The following POLN variants were observed in gnomAD, a reference collection of about 807,000 sequenced individuals.
POLN encodes the protein DNA polymerase N.
Under a neutral mutation model 113.5 loss-of-function variants are expected in POLN, and 108 were observed. The ratio of observed to expected loss-of-function variants is 0.95; its 90% CI spans 0.81 to 1.12. The LOEUF is 1.12. Among genes scored for constraint, POLN ranks in the 50% most tolerant of loss-of-function variants. The probability of loss-of-function intolerance (pLI) is 0.00; values close to 1 mark genes in which losing one functional copy is unlikely to be tolerated. For synonymous variants in POLN, 386 were observed against 391.5 expected (o/e 0.99, Z 0.17); for missense variants, 1,097 against 1,077.1 (o/e 1.02, Z -0.26).
At chr4:2,189,638 C>CAAAAAAAAAAAAAAAA (rs776990379) in intron 7 of POLN, among the ~76,000 whole-genome samples, 1 of 140,498 alleles carries the variant, frequency 7.1e-6, no homozygotes, top group African/African-American at 2.9e-5. Flanking sequence ...GACTCCATCT[C>CAAAAAAAAAAAAAAAA]AAACAAAAAA....
At chr4:2,186,779 A>C (rs1450635055) in intron 7 of POLN, among the ~76,000 whole-genome samples, 1 of 152,232 alleles carries the variant, frequency 6.6e-6, no homozygotes, top group African/African-American at 2.4e-5. Context: ...GCAAGGAGCC[A>C]GTGACTGACC....
Position 2,137,145 on chromosome 4 carries a change from C to T in POLN, c.1732-5855G>A, listed in dbSNP as rs530570455. Reference sequence around the variant, plus strand: ...ACAAATAGTGGCTGAATGAGTAAGACGAAAAATAAATAATTTTCACAATAA... The same window carrying T: ...ACAAATAGTGGCTGAATGAGTAAGATGAAAAATAAATAATTTTCACAATAA... On this transcript the variant is annotated intron_variant, in intron 16 of 25. Coordinates refer to ENST00000511885, the MANE Select transcript of POLN (RefSeq NM_181808.4). Among the ~76,000 whole-genome samples the T allele has an allele frequency of 2.1e-4, 32 of 152,274 alleles. No homozygotes were observed. The South Asian group carries it at 4.1e-3, about 20-fold the overall frequency.
chr4:2,135,760 G>A (rs188190691), intron 16 of POLN, among the ~76,000 whole-genome samples: 8 of 152,340 alleles, frequency 5.3e-5, no homozygotes, highest in Non-Finnish European at 7.3e-5. Flanking sequence ...GGATGAAAGC[G>A]TGGCTATCAC....
At chr4:2,170,608 G>C in intron 13 of POLN, 71 bp downstream of exon 13, 1 of 1,364,632 alleles carries the variant, frequency 7.3e-7, no homozygotes, top group South Asian at 1.3e-5. Flanking sequence ...GGGTGGGTCT[G>C]AAGGTCAGCA....
chr4:2,128,316 G>A, intron 18 of POLN, 89 bp from the exon 19 acceptor site: 2 of 753,296 alleles, frequency 2.7e-6, no homozygotes, highest in Non-Finnish European at 4.5e-6. Context: ...AGACTCTCCT[G>A]ACTCTGTAGC....
At chr4:2,222,416 CA>C in intron 3 of POLN, among the ~76,000 whole-genome samples, 1 of 152,082 alleles carries the variant, frequency 6.6e-6, no homozygotes. Context: ...ACTAGCCGGG[CA>C]TGCACACCTG....
At position 2,118,475 on chromosome 4, in the gene POLN, T is replaced by C. The variant is rs184295732; in HGVS notation, c.1982+9638A>G. ...CTCTTACTTATAATACCTTGTCACA[T>C]GTAGACATAGCTCAAAGCACGTTCT... On this transcript the variant is annotated intron_variant, in intron 19 of 25. Transcript: ENST00000511885. 4.6e-4 allele frequency among the ~76,000 whole-genome samples: 70 copies of C among 152,346 alleles called. 2 individuals carry two copies. In the South Asian group the frequency reaches 0.011, roughly 25 times the overall value.
intron 2 of POLN, among the ~76,000 whole-genome samples, chr4:2,232,760 A>C (rs1242470638): frequency 2.0e-5 from 3 of 152,176 alleles, no homozygotes; most frequent in Non-Finnish European, 2.9e-5. Context: ...TATTACAGTA[A>C]ATTCAAATTC....
At chr4:2,089,541 C>A (rs1298762752) in intron 20 of POLN, 4 of 1,224,642 alleles carry the variant, frequency 3.3e-6, no homozygotes, top group African/African-American at 3.0e-5. Context: ...AAATGTAATT[C>A]TTGGCACTTT....
At chr4:2,094,311 C>T (rs1730731860) in intron 20 of POLN, among the ~76,000 whole-genome samples, 1 of 132,532 alleles carries the variant, frequency 7.5e-6, no homozygotes, top group Non-Finnish European at 1.5e-5. Flanking sequence ...TGCAGTGAGC[C>T]GAGATTGTGC....
chr4:2,082,133 T>A (rs1304148750), intron 21 of POLN, among the ~76,000 whole-genome samples: 1 of 151,878 alleles, frequency 6.6e-6, no homozygotes, highest in Non-Finnish European at 1.5e-5. Flanking sequence ...TTTTTGTATT[T>A]GTAGTAGAGA....
intron 19 of POLN, among the ~76,000 whole-genome samples, chr4:2,125,674 G>C (rs747973935): frequency 3.9e-5 from 6 of 152,164 alleles, no homozygotes; most frequent in Non-Finnish European, 7.3e-5. Flanking sequence ...CTTCCTAAGG[G>C]GGCAGCTGAT....
intron 13 of POLN, among the ~76,000 whole-genome samples, chr4:2,163,363 T>C (rs982086769): frequency 2.6e-5 from 4 of 152,324 alleles, no homozygotes; most frequent in African/African-American, 9.6e-5. Context: ...CAAAATAACT[T>C]TCTAACCAAT....
chr4:2,211,819 A>G (rs1734000563), intron 4 of POLN, among the ~76,000 whole-genome samples: 1 of 152,184 alleles, frequency 6.6e-6, no homozygotes, highest in South Asian at 2.1e-4. Context: ...TCTCAAACAA[A>G]CAAACAAACA....
Position 2,159,154 on chromosome 4 carries a change from C to A in POLN, c.1611+1G>T, listed in dbSNP as rs755354221. The A allele has an allele frequency of 1.2e-6, 2 of 1,602,550 alleles. No homozygotes were observed. Among genetic ancestry groups the A allele is most frequent in the South Asian group, 1.1e-5 (1 of 90,668 alleles). On this transcript the variant is annotated splice_donor_variant, in intron 14 of 25. Transcript: ENST00000511885. LOFTEE classifies it high-confidence loss of function. ...TTTTACGTACAAAAAAATTAACTTA[C>A]CTGCCTGTATTCCAAAATTATCTTG...
rs562318972 is a variant in POLN at position 2,209,387 on chromosome 4, G to C, written c.214-900C>G. ...CCCAGCTACTCAGGAGGCTGAGGCAGAGAATCGCTTGAACCTGGAAGGTGG... is the reference window on the plus strand; with the variant it reads ...CCCAGCTACTCAGGAGGCTGAGGCACAGAATCGCTTGAACCTGGAAGGTGG... On this transcript the variant is annotated intron_variant, in intron 4 of 25. Coordinates refer to ENST00000511885, the MANE Select transcript of POLN (RefSeq NM_181808.4). 2.2e-4 allele frequency among the ~76,000 whole-genome samples: 33 copies of C among 150,090 alleles called. No individual in the cohort carries two copies. The South Asian group carries it at 6.6e-3, about 30-fold the overall frequency.
rs1362641769 is a variant in POLN at position 2,150,244 on chromosome 4, A to T, written c.1731+6544T>A. Among the ~76,000 whole-genome samples, 3 of 152,110 alleles carry T rather than the reference A, an allele frequency of 2.0e-5. No individual in the cohort carries two copies. The East Asian group carries it at 5.8e-4, about 29-fold the overall frequency. ...AGTGGTTATTTAACATTAATATTAA[A>T]TTATATTTTTATTAATTGTATTATT... On this transcript the variant is annotated intron_variant, in intron 16 of 25. Transcript: ENST00000511885.
At chr4:2,235,046 CG>C (rs989262991) in intron 2 of POLN, among the ~76,000 whole-genome samples, 4 of 152,132 alleles carry the variant, frequency 2.6e-5, no homozygotes, top group Middle Eastern at 3.2e-3. Context: ...CCACCACGCC[CG>C]GCTAATTTTT....
intron 19 of POLN, among the ~76,000 whole-genome samples, chr4:2,103,493 A>AT (rs1167635901): frequency 6.6e-6 from 1 of 152,188 alleles, no homozygotes; most frequent in East Asian, 1.9e-4. Context: ...AATTATTGGT[A>AT]TTCCTGAGGT....
Sources: allele counts gnomAD v4.1 joint callset (sites outside exome capture counted in the v4.1 genomes callset), GRCh38; gene constraint gnomAD v4.1.1; transcripts MANE v1.5; gene names NCBI Gene and HGNC (gene_info 2026-07-23, HGNC 2026-07-21).